The following INPP5A variants were observed in gnomAD, a reference collection of about 807,000 sequenced individuals.
The protein encoded by INPP5A is 43 kDa inositol polyphosphate 5-phophatase.
INPP5A carries 14 observed loss-of-function variants against 65.2 expected under a neutral mutation model. That is an observed-to-expected ratio of 0.21 (90% CI 0.14 to 0.34). The LOEUF (loss-of-function observed/expected upper bound fraction) is 0.34. Ranked by LOEUF, INPP5A falls within the 10% of genes least tolerant of loss-of-function variation. INPP5A has a pLI of 1.00. For synonymous variants in INPP5A, 207 were observed against 208.3 expected, an observed-to-expected ratio of 0.99 and a Z score of 0.05; for missense variants, 431 against 545.6, an observed-to-expected ratio of 0.79 and a Z score of 2.09.
chr10:132,661,492 G>A (rs1337419605), intron 4 of INPP5A, among the ~76,000 whole-genome samples: 1 of 152,150 alleles, frequency 6.6e-6, no homozygotes. Context: ...TGTAAGACCT[G>A]TATACTGAGA....
intron 12 of INPP5A, among the ~76,000 whole-genome samples, chr10:132,775,443 C>T (rs888773778): frequency 1.3e-5 from 2 of 152,096 alleles, no homozygotes; most frequent in Non-Finnish European, 2.9e-5. Context: ...TGCAGCGTGG[C>T]CCCGCCAGCA....
At chr10:132,712,342 C>T (rs1210272575) in intron 8 of INPP5A, among the ~76,000 whole-genome samples, 1 of 151,412 alleles carries the variant, frequency 6.6e-6, no homozygotes, top group African/African-American at 2.4e-5. Context: ...TGGGTGTGCG[C>T]ACATCTGCGT....
chr10:132,740,455 G>A (rs1234877632), intron 9 of INPP5A, among the ~76,000 whole-genome samples: 3 of 152,126 alleles, frequency 2.0e-5, no homozygotes, highest in African/African-American at 4.8e-5. Flanking sequence ...TTATATTCAC[G>A]TTCACCATGA....
intron 4 of INPP5A, among the ~76,000 whole-genome samples, chr10:132,672,211 A>G (rs904344253): frequency 6.6e-6 from 1 of 152,282 alleles, no homozygotes; most frequent in South Asian, 2.1e-4. Flanking sequence ...TTCCTTTATC[A>G]TGTGACATAA....
intron 1 of INPP5A, among the ~76,000 whole-genome samples, chr10:132,582,703 G>A (rs543340941): frequency 2.6e-5 from 4 of 152,324 alleles, no homozygotes; most frequent in East Asian, 1.9e-4. Context: ...TTACAGGCAC[G>A]ATACTTTGTT....
At chr10:132,683,375 T>A (rs2073076682) in intron 4 of INPP5A, among the ~76,000 whole-genome samples, 1 of 151,786 alleles carries the variant, frequency 6.6e-6, no homozygotes, top group Non-Finnish European at 1.5e-5. Flanking sequence ...TGCACACACG[T>A]TTAATCTGCG....
chr10:132,644,728 C>T lies in INPP5A; in HGVS notation c.118-1140C>T, dbSNP rs995455063. Among the ~76,000 whole-genome samples the T allele has an allele frequency of 3.9e-5, 6 of 152,234 alleles. No homozygotes were observed. The East Asian group carries it at 7.7e-4, about 20-fold the overall frequency. ...CCCGGCACCAGACAGAGAGCCCTGT[C>T]GGGGCTTGCTCCTTGGAAGCGCTGC... On this transcript the variant is annotated intron_variant, in intron 2 of 15. Transcript: ENST00000368594. This position sits in a 1 kb window ranked among gnomAD's most constrained non-coding sequence, Gnocchi z 6.5.
At position 132,715,230 on chromosome 10, in the gene INPP5A, C is replaced by T. The variant is rs115069015; in HGVS notation, c.647+4774C>T. ...GGAAAGGAGATTTTCCCATAAGTGACGGGACTCTTTGTCTCCCCTCTGAAA... is the reference window on the plus strand; with the variant it reads ...GGAAAGGAGATTTTCCCATAAGTGATGGGACTCTTTGTCTCCCCTCTGAAA... On this transcript the variant is annotated intron_variant, in intron 8 of 15. Coordinates refer to ENST00000368594, the MANE Select transcript of INPP5A (RefSeq NM_005539.5). Among the ~76,000 whole-genome samples, 152 of 152,302 alleles carry T rather than the reference C, an allele frequency of 1.0e-3. No homozygotes were observed. In the Middle Eastern group the frequency reaches 0.01, roughly 10 times the overall value.
At chr10:132,608,885 G>A (rs1197089690) in intron 2 of INPP5A, among the ~76,000 whole-genome samples, 1 of 152,210 alleles carries the variant, frequency 6.6e-6, no homozygotes, top group Non-Finnish European at 1.5e-5. Context: ...GTGGGACCTG[G>A]GGGGTGGCCC....
chr10:132,577,863 C>A (rs1346370958), intron 1 of INPP5A, among the ~76,000 whole-genome samples: 1 of 152,220 alleles, frequency 6.6e-6, no homozygotes, highest in African/African-American at 2.4e-5. Context: ...ACTCGGCAGC[C>A]GTCAGACTCC....
At position 132,707,942 on chromosome 10, in the gene INPP5A, T is replaced by C. The variant is rs1174823150; in HGVS notation, c.475-371T>C. 6.6e-6 allele frequency among the ~76,000 whole-genome samples: 1 copy of C among 152,216 alleles called. No homozygotes were observed. The highest frequency in any genetic ancestry group is 2.4e-5 in the African/African-American group (1 of 41,458). On this transcript the variant is annotated intron_variant, in intron 6 of 15. Transcript: ENST00000368594. This position sits in a 1 kb window ranked among gnomAD's most constrained non-coding sequence, Gnocchi z 5.5. ...TGGGCACGGCTGCTCAAGTCTTCCC[T>C]GTGGTCCAGCCGAGGGCGGCCGTGT...
intron 12 of INPP5A, among the ~76,000 whole-genome samples, chr10:132,773,556 C>T (rs1296278842): frequency 1.3e-5 from 2 of 152,214 alleles, no homozygotes; most frequent in African/African-American, 4.8e-5. Context: ...TAATAATTAT[C>T]TAGCAAAATG....
At chr10:132,712,284 A>G (rs533311662) in intron 8 of INPP5A, among the ~76,000 whole-genome samples, 1 of 152,070 alleles carries the variant, frequency 6.6e-6, no homozygotes, top group Non-Finnish European at 1.5e-5. Flanking sequence ...GCACACATGC[A>G]CATGCATGTG....
Position 132,764,527 on chromosome 10 carries a change from GT to G in INPP5A, c.904-1245del, listed in dbSNP as rs1846797098. Among the ~76,000 whole-genome samples, 5 of 141,656 alleles carry G rather than the reference GT, an allele frequency of 3.5e-5. 1 individual carries two copies. The highest frequency in any genetic ancestry group is 1.1e-4 in the African/African-American group (4 of 37,840). The allele number at this position is 141,656 out of a possible 152,430, so 92.9% of individuals were successfully genotyped here. On this transcript the variant is annotated intron_variant, in intron 11 of 15. Coordinates refer to ENST00000368594, the MANE Select transcript of INPP5A (RefSeq NM_005539.5). ...GTGTGTGGTGACACTCAGGAACACG[GT>G]CGGGCCAGTCCTGCAGGGGTGGGAG...
intron 2 of INPP5A, among the ~76,000 whole-genome samples, chr10:132,620,574 C>T (rs1226834519): frequency 1.3e-5 from 2 of 152,082 alleles, no homozygotes; most frequent in East Asian, 3.8e-4. Flanking sequence ...AAGTTCTTTG[C>T]TAAAGCATAT....
At chr10:132,565,460 G>T (rs2071260337) in intron 1 of INPP5A, among the ~76,000 whole-genome samples, 1 of 152,202 alleles carries the variant, frequency 6.6e-6, no homozygotes, top group African/African-American at 2.4e-5. Flanking sequence ...GGATTTGTGT[G>T]TTTAGACAGT....
chr10:132,760,130 TCC>T (rs1275890694), intron 11 of INPP5A, among the ~76,000 whole-genome samples: 3 of 152,182 alleles, frequency 2.0e-5, no homozygotes, highest in Non-Finnish European at 2.9e-5. Flanking sequence ...AGCTACTCGT[TCC>T]CTCTGCTCAC....
intron 1 of INPP5A, among the ~76,000 whole-genome samples, chr10:132,541,764 G>C: frequency 6.6e-6 from 1 of 152,244 alleles, no homozygotes; most frequent in Admixed American, 6.5e-5. Context: ...TGTTGACCTA[G>C]TCAACCTGTG....
chr10:132,745,503 G>A (rs554962091), intron 9 of INPP5A, among the ~76,000 whole-genome samples: 4 of 152,348 alleles, frequency 2.6e-5, no homozygotes, highest in East Asian at 1.9e-4. Context: ...TCCCGAGTCC[G>A]GGCAGCATCT....
Sources: allele counts gnomAD v4.1 joint callset (sites outside exome capture counted in the v4.1 genomes callset), GRCh38; gene constraint gnomAD v4.1.1; non-coding constraint Gnocchi (gnomAD v3.1); transcripts MANE v1.5; gene names NCBI Gene and HGNC (gene_info 2026-07-23, HGNC 2026-07-21).